Variants in GRID2 observed in about 807,000 individuals in gnomAD.
GRID2 encodes the protein glutamate ionotropic receptor delta type subunit 2.
In GRID2, 33 loss-of-function variants were observed where a neutral mutation model predicts 114.8. That is an observed-to-expected ratio of 0.29 (90% confidence interval 0.22 to 0.38). The LOEUF (loss-of-function observed/expected upper bound fraction) is 0.38, where lower values mean the gene tolerates loss of function less well. GRID2 is among the 10% of genes least tolerant of loss of function. GRID2 has a pLI of 1.00. For missense variants in GRID2, 1,184 were observed against 1,257.7 expected (o/e 0.94, Z 0.89); for synonymous variants, 505 against 449.9 (o/e 1.12, Z -1.55).
chr4:92,449,712 A>ATATAT (rs1383896886), intron 1 of GRID2, among the ~76,000 whole-genome samples: 1 of 67,680 alleles, frequency 1.5e-5, no homozygotes, highest in African/African-American at 6.5e-5. Context: ...TATATATATA[A>ATATAT]CACTTAAGCC....
At chr4:92,835,193 A>T (rs978652868) in intron 2 of GRID2, among the ~76,000 whole-genome samples, 1 of 5,168 alleles carries the variant, frequency 1.9e-4, no homozygotes, top group Non-Finnish European at 4.0e-4. Flanking sequence ...GAAAGAGGTA[A>T]AAAAAAAAAA....
chr4:93,750,172 T>G (rs1732194385), intron 14 of GRID2, among the ~76,000 whole-genome samples: 2 of 152,192 alleles, frequency 1.3e-5, no homozygotes, highest in Admixed American at 6.5e-5. Context: ...CCTAAGGAGC[T>G]TGTAATCCTT....
At chr4:92,575,201 G>C (rs375938316) in intron 1 of GRID2, among the ~76,000 whole-genome samples, 4 of 152,302 alleles carry the variant, frequency 2.6e-5, no homozygotes, top group Admixed American at 1.3e-4. Context: ...TATTTTGCCT[G>C]TCAGCCCCTG....
At position 93,254,614 on chromosome 4, in the gene GRID2, A is replaced by C. The variant is rs558349036; in HGVS notation, c.1245+16124A>C. On this transcript the variant is annotated intron_variant, in intron 8 of 15. Transcript: ENST00000282020. ...CAAGGTTGTTATGAATCTATATCCC[A>C]AAATGAGATGAGAAATCTATCAGTG... 4.6e-5 allele frequency among the ~76,000 whole-genome samples: 7 copies of C among 152,240 alleles called. No individual in the cohort carries two copies. The South Asian group carries it at 1.5e-3, about 32-fold the overall frequency.
At chr4:93,619,224 A>C (rs1392156014) in intron 13 of GRID2, among the ~76,000 whole-genome samples, 1 of 152,202 alleles carries the variant, frequency 6.6e-6, no homozygotes, top group Non-Finnish European at 1.5e-5. Context: ...AGTCAGTCTT[A>C]AGTACTTAAA....
intron 2 of GRID2, among the ~76,000 whole-genome samples, chr4:92,831,916 G>C (rs1006490380): frequency 2.6e-5 from 4 of 151,856 alleles, no homozygotes; most frequent in Non-Finnish European, 5.9e-5. Flanking sequence ...AAATAAGAAA[G>C]TAAATAGAAC....
intron 2 of GRID2, among the ~76,000 whole-genome samples, chr4:92,787,065 A>T (rs1036087451): frequency 6.6e-6 from 1 of 151,920 alleles, no homozygotes; most frequent in Non-Finnish European, 1.5e-5. Flanking sequence ...TACAAACACA[A>T]CTGCTATTAT....
intron 5 of GRID2, among the ~76,000 whole-genome samples, chr4:93,208,167 A>T (rs1743031300): frequency 6.6e-6 from 1 of 151,994 alleles, no homozygotes; most frequent in Non-Finnish European, 1.5e-5. Context: ...GAATAAAAAT[A>T]ATGTAATATT....
At chr4:92,740,537 C>T (rs190764991) in intron 2 of GRID2, among the ~76,000 whole-genome samples, 11 of 152,280 alleles carry the variant, frequency 7.2e-5, no homozygotes, top group African/African-American at 1.9e-4. Flanking sequence ...TTCCTTATCC[C>T]TCCAATCACT....
chr4:93,426,250 A>G (rs1229667320), intron 10 of GRID2, among the ~76,000 whole-genome samples: 1 of 152,162 alleles, frequency 6.6e-6, no homozygotes. Context: ...AAAATGGGCA[A>G]TCGTCAGTCC....
At chr4:93,508,515 A>G (rs1359547362) in intron 12 of GRID2, among the ~76,000 whole-genome samples, 1 of 152,110 alleles carries the variant, frequency 6.6e-6, no homozygotes, top group Non-Finnish European at 1.5e-5. Context: ...TTTTTTAACT[A>G]CAAATACTTC....
intron 13 of GRID2, among the ~76,000 whole-genome samples, chr4:93,620,939 G>A (rs1051296779): frequency 2.6e-5 from 4 of 151,856 alleles, no homozygotes; most frequent in South Asian, 2.1e-4. Context: ...TTTCTTTTAC[G>A]ACTTTAAACA....
chr4:92,698,017 C>G (rs1209012904), intron 2 of GRID2, among the ~76,000 whole-genome samples: 1 of 152,050 alleles, frequency 6.6e-6, no homozygotes, highest in Non-Finnish European at 1.5e-5. Flanking sequence ...TTAAATACAT[C>G]AACTCATTCT....
chr4:92,734,979 A>C (rs6813347), intron 2 of GRID2, among the ~76,000 whole-genome samples: 1 of 151,398 alleles, frequency 6.6e-6, no homozygotes, highest in East Asian at 2.0e-4. Flanking sequence ...GAGTTTTGCC[A>C]TGTTGCCCAG....
chr4:93,297,931 C>A (rs1380430125), intron 8 of GRID2, among the ~76,000 whole-genome samples: 2 of 152,096 alleles, frequency 1.3e-5, no homozygotes, highest in Non-Finnish European at 2.9e-5. Flanking sequence ...TGTTCACTTT[C>A]TTTTGCTTTT....
At chr4:93,650,241 G>T (rs1463212911) in intron 14 of GRID2, among the ~76,000 whole-genome samples, 1 of 152,094 alleles carries the variant, frequency 6.6e-6, no homozygotes, top group African/African-American at 2.4e-5. Context: ...TCACTGGAAA[G>T]TGGGGAAAAA....
chr4:92,350,702 C>T (rs1728022578), intron 1 of GRID2, among the ~76,000 whole-genome samples: 1 of 151,754 alleles, frequency 6.6e-6, no homozygotes, highest in Non-Finnish European at 1.5e-5. Flanking sequence ...CCATGTAATT[C>T]ACCCATTTAA....
At chr4:93,804,044 A>G (rs934145550) in intron 1 of GRID2, among the ~76,000 whole-genome samples, 5 of 152,276 alleles carry the variant, frequency 3.3e-5, no homozygotes, top group African/African-American at 1.2e-4. Context: ...TCAGAATCCC[A>G]AGGGTCCTTC....
chr4:92,471,935 T>TC (rs1349493156), intron 1 of GRID2, among the ~76,000 whole-genome samples: 2 of 86,242 alleles, frequency 2.3e-5, no homozygotes, highest in African/African-American at 1.1e-4. Context: ...TCTTTTTTTT[T>TC]TTTTTTTTTT....
Sources: allele counts gnomAD v4.1 joint callset (sites outside exome capture counted in the v4.1 genomes callset), GRCh38; gene constraint gnomAD v4.1.1; transcripts MANE v1.5; gene names NCBI Gene and HGNC (gene_info 2026-07-23, HGNC 2026-07-21).